ESR1: variants seen among roughly 807,000 people sequenced by gnomAD.
ESR1 encodes estrogen receptor 1, also known as estrogen receptor.
ESR1 carries 12 observed loss-of-function variants against 52.7 expected under a neutral mutation model. That is an observed-to-expected ratio of 0.23 (90% CI 0.15 to 0.37). The LOEUF is 0.37. ESR1 is among the 10% of genes least tolerant of loss of function. The pLI is 1.00. For missense variants in ESR1, 584 were observed against 779.7 expected (o/e 0.75, Z 2.99); for synonymous variants, 305 against 316.8 (o/e 0.96, Z 0.39).
At chr6:151,986,353 A>C in intron 4 of ESR1, among the ~76,000 whole-genome samples, 1 of 152,138 alleles carries the variant, frequency 6.6e-6, no homozygotes, top group Admixed American at 6.5e-5. Context: ...TTTTCTGTGT[A>C]TTGTAACACA....
intron 2 of ESR1, among the ~76,000 whole-genome samples, chr6:151,781,970 C>G (rs1786586084): frequency 6.6e-6 from 1 of 152,096 alleles, no homozygotes; most frequent in Non-Finnish European, 1.5e-5. Flanking sequence ...GAAATAATAA[C>G]TAAAATACTA....
intron 1 of ESR1, among the ~76,000 whole-genome samples, chr6:151,699,581 G>A (rs117614333): frequency 0.019 from 2,945 of 152,218 alleles, 36 homozygotes; most frequent in East Asian, 0.032. Flanking sequence ...ATTAACCAAG[G>A]CAACCCTCAA....
At chr6:151,820,542 T>C (rs1000857474) in intron 1 of ESR1, among the ~76,000 whole-genome samples, 1 of 152,184 alleles carries the variant, frequency 6.6e-6, no homozygotes, top group African/African-American at 2.4e-5. Flanking sequence ...ATACAACCAG[T>C]ACTGGAGAAT....
chr6:151,816,513 A>G (rs17081716), intron 1 of ESR1, among the ~76,000 whole-genome samples: 43,382 of 152,028 alleles, frequency 0.29, 9,426 homozygotes, highest in African/African-American at 0.61. Context: ...TTTTATTACT[A>G]CTTCGGAAGG....
intron 2 of ESR1, among the ~76,000 whole-genome samples, chr6:151,860,996 C>T (rs1788779916): frequency 1.3e-5 from 2 of 152,064 alleles, no homozygotes. Context: ...TCTTTGATTG[C>T]TACATTGCCC....
At position 152,014,049 on chromosome 6, in the gene ESR1, T is replaced by C. The variant is rs138487894; in HGVS notation, c.1235+2255T>C. 2.0e-5 allele frequency among the ~76,000 whole-genome samples: 3 copies of C among 152,232 alleles called. No individual in the cohort carries two copies. In the East Asian group the frequency reaches 5.8e-4, roughly 29 times the overall value. On this transcript the variant is annotated intron_variant, in intron 5 of 7. Transcript: ENST00000206249. ...TCATGACAGTGAATTTCTCATGATA[T>C]CTAATGGTTTTATAAAGGGGAGTTC...
intron 1 of ESR1, among the ~76,000 whole-genome samples, chr6:151,671,205 T>A (rs1035067126): frequency 2.0e-5 from 3 of 152,112 alleles, no homozygotes; most frequent in Non-Finnish European, 4.4e-5. Context: ...GGAAATAAAA[T>A]CAGTGTCAAA....
chr6:151,857,286 T>G (rs1025376341), intron 2 of ESR1, among the ~76,000 whole-genome samples: 1 of 152,170 alleles, frequency 6.6e-6, no homozygotes. Context: ...TATTAGGTAT[T>G]ATAAATAATC....
chr6:151,674,222 C>T (rs534547768), intron 1 of ESR1, among the ~76,000 whole-genome samples: 4 of 152,238 alleles, frequency 2.6e-5, no homozygotes, highest in Admixed American at 1.3e-4. Flanking sequence ...GGATGTTCCC[C>T]TCCCTGTGTC....
At chr6:151,789,746 T>C (rs892155680) in intron 2 of ESR1, among the ~76,000 whole-genome samples, 4 of 152,212 alleles carry the variant, frequency 2.6e-5, no homozygotes, top group Admixed American at 6.5e-5. Context: ...TGAGTTTCAT[T>C]TCATCTCACA....
At chr6:151,832,333 A>G (rs1322709631) in intron 1 of ESR1, among the ~76,000 whole-genome samples, 1 of 152,242 alleles carries the variant, frequency 6.6e-6, no homozygotes, top group Admixed American at 6.5e-5. Context: ...TCCAGACTCT[A>G]TCATTTTAGG....
At chr6:152,066,532 C>A (rs1240662093) in intron 6 of ESR1, among the ~76,000 whole-genome samples, 1 of 152,196 alleles carries the variant, frequency 6.6e-6, no homozygotes, top group Non-Finnish European at 1.5e-5. Context: ...GGATTCTGTT[C>A]TCTCTGGAGT....
intron 6 of ESR1, among the ~76,000 whole-genome samples, chr6:152,080,940 G>A (rs1202094728): frequency 6.6e-6 from 1 of 152,098 alleles, no homozygotes; most frequent in African/African-American, 2.4e-5. Context: ...AAATATATAT[G>A]CACCCAGTAC....
intron 3 of ESR1, among the ~76,000 whole-genome samples, chr6:151,887,426 T>C (rs547256442): frequency 1.1e-4 from 17 of 152,232 alleles, no homozygotes; most frequent in African/African-American, 4.1e-4. Flanking sequence ...GTGAATCACA[T>C]ATGGACCTTA....
chr6:151,961,890 TC>T, intron 4 of ESR1, among the ~76,000 whole-genome samples: 1 of 152,212 alleles, frequency 6.6e-6, no homozygotes, highest in Admixed American at 6.5e-5. Context: ...TCTTCTTCAG[TC>T]GGATTGTCAG....
chr6:151,893,107 C>T (rs969771023), intron 3 of ESR1, among the ~76,000 whole-genome samples: 3 of 152,340 alleles, frequency 2.0e-5, no homozygotes, highest in Non-Finnish European at 4.4e-5. Context: ...AGGAGAATGG[C>T]GTGAACCTGG....
intron 2 of ESR1, among the ~76,000 whole-genome samples, chr6:151,733,464 A>T (rs1782410582): frequency 6.6e-6 from 1 of 152,172 alleles, no homozygotes; most frequent in South Asian, 2.1e-4. Context: ...TATAACTATC[A>T]TCATTGTCAT....
chr6:152,105,775 CTTTT>C (rs71017522), downstream of ESR1, among the ~76,000 whole-genome samples: 98 of 79,422 alleles, frequency 1.2e-3, no homozygotes, highest in Non-Finnish European at 1.7e-3. Flanking sequence ...CAGTATGCAT[CTTTT>C]TTTTTTTTTT....
chr6:151,743,174 G>A lies in ESR1; in HGVS notation c.-71+41169G>A, dbSNP rs191437316. Among the ~76,000 whole-genome samples, 144 of 152,268 alleles carry A rather than the reference G, an allele frequency of 9.5e-4. 1 individual carries two copies. The highest frequency in any genetic ancestry group is 1.8e-3 in the Non-Finnish European group (124 of 68,026). On this transcript the variant is annotated intron_variant, in intron 2 of 2. Transcript: ENST00000404742. ...AGGCAGTAAATGATACAGGAGATGA[G>A]AGGAGGGAGAGCTCTGGGGGCTGAC...
Sources: gnomAD v4.1 joint callset for allele counts (sites outside exome capture counted in the v4.1 genomes callset) on GRCh38, gnomAD v4.1.1 for gene constraint, MANE v1.5 for transcripts, NCBI Gene and HGNC (gene_info 2026-07-23, HGNC 2026-07-21) for gene names.